DTNA: variants seen among roughly 807,000 people sequenced by gnomAD.
The protein encoded by DTNA is dystrophin-related protein 3.
DTNA carries 43 observed loss-of-function variants against 100.7 expected under a neutral mutation model. That is an observed-to-expected ratio of 0.43 (90% CI 0.33 to 0.55). DTNA has a LOEUF of 0.55. Among genes scored for constraint, DTNA ranks in the 20% least tolerant of loss-of-function variants. The pLI is 0.04. For missense variants in DTNA, 798 were observed against 953.9 expected (o/e 0.84, Z 2.15); for synonymous variants, 349 against 347.9 (o/e 1.00, Z -0.04).
At chr18:34,527,972 G>A (rs1283332330) in intron 1 of DTNA, among the ~76,000 whole-genome samples, 2 of 152,078 alleles carry the variant, frequency 1.3e-5, no homozygotes, top group African/African-American at 2.4e-5. Context: ...GTAAAGGACT[G>A]CAACATCAGT....
chr18:34,522,160 CT>C, intron 1 of DTNA, among the ~76,000 whole-genome samples: 1 of 152,242 alleles, frequency 6.6e-6, no homozygotes, highest in East Asian at 1.9e-4. Flanking sequence ...CCTTTTGTAA[CT>C]GCACTTTAAT....
intron 3 of DTNA, among the ~76,000 whole-genome samples, chr18:34,792,497 T>C (rs2094792844): frequency 6.6e-6 from 1 of 152,160 alleles, no homozygotes; most frequent in Admixed American, 6.5e-5. Flanking sequence ...ATTAGGTATA[T>C]AGCCAGGAGA....
intron 3 of DTNA, among the ~76,000 whole-genome samples, chr18:34,771,050 C>T (rs563684606): frequency 6.6e-6 from 1 of 152,220 alleles, no homozygotes; most frequent in Non-Finnish European, 1.5e-5. Context: ...CATTGGTAGA[C>T]CAGCATTTTC....
chr18:34,738,698 G>C (rs1774588516), intron 1 of DTNA, among the ~76,000 whole-genome samples: 1 of 152,150 alleles, frequency 6.6e-6, no homozygotes, highest in Admixed American at 6.5e-5. Flanking sequence ...ATGTCTGATA[G>C]AGGACAGCGC....
At chr18:34,692,944 A>G (rs1234725681) in intron 1 of DTNA, among the ~76,000 whole-genome samples, 2 of 152,198 alleles carry the variant, frequency 1.3e-5, no homozygotes, top group African/African-American at 4.8e-5. Flanking sequence ...ATGCAAAAAA[A>G]TTTCCTAGAC....
intron 9 of DTNA, among the ~76,000 whole-genome samples, chr18:34,824,634 A>G (rs2095812226): frequency 6.6e-6 from 1 of 152,202 alleles, no homozygotes; most frequent in South Asian, 2.1e-4. Context: ...CAAAAGCATT[A>G]TAAGATACAA....
chr18:34,569,886 T>TACACAC (rs143877334), intron 1 of DTNA, among the ~76,000 whole-genome samples: 1 of 147,220 alleles, frequency 6.8e-6, no homozygotes, highest in African/African-American at 2.5e-5. Flanking sequence ...CATACACACA[T>TACACAC]ACACACACAC....
chr18:34,649,442 A>C (rs2060204717), intron 1 of DTNA, among the ~76,000 whole-genome samples: 1 of 152,168 alleles, frequency 6.6e-6, no homozygotes, highest in South Asian at 2.1e-4. Flanking sequence ...CCTCAACCTA[A>C]AGATAGAGCC....
intron 4 of DTNA, among the ~76,000 whole-genome samples, chr18:34,803,278 G>C (rs1303522800): frequency 1.3e-5 from 2 of 151,530 alleles, no homozygotes; most frequent in Non-Finnish European, 2.9e-5. Context: ...CCTCCACTTG[G>C]TGATTTATCT....
intron 1 of DTNA, among the ~76,000 whole-genome samples, chr18:34,632,505 C>G (rs2058195842): frequency 6.6e-6 from 1 of 152,168 alleles, no homozygotes; most frequent in African/African-American, 2.4e-5. Flanking sequence ...GCAGAAAATG[C>G]CAGAACACAG....
intron 3 of DTNA, among the ~76,000 whole-genome samples, chr18:34,784,497 TG>T (rs1204842162): frequency 6.6e-6 from 1 of 152,202 alleles, no homozygotes; most frequent in Non-Finnish European, 1.5e-5. Flanking sequence ...CACTTTCTGC[TG>T]TGTTTTAGGA....
chr18:34,885,988 T>C (rs114030399), intron 22 of DTNA, among the ~76,000 whole-genome samples: 1,742 of 152,312 alleles, frequency 0.011, 37 homozygotes, highest in African/African-American at 0.04. Context: ...GATGCCTCCA[T>C]GGTAGTTCAA....
At chr18:34,564,623 CGTCT>C (rs2046932806) in intron 1 of DTNA, among the ~76,000 whole-genome samples, 1 of 152,148 alleles carries the variant, frequency 6.6e-6, no homozygotes, top group African/African-American at 2.4e-5. Context: ...ATCTCCCATT[CGTCT>C]GTCTTTCAAT....
chr18:34,727,042 C>T (rs140269570), intron 1 of DTNA, among the ~76,000 whole-genome samples: 98 of 152,358 alleles, frequency 6.4e-4, no homozygotes, highest in African/African-American at 1.4e-3. Context: ...CTCAACACAA[C>T]GTAGAAGCCC....
intron 1 of DTNA, among the ~76,000 whole-genome samples, chr18:34,588,566 T>C (rs1467589102): frequency 6.6e-6 from 1 of 152,170 alleles, no homozygotes; most frequent in Non-Finnish European, 1.5e-5. Flanking sequence ...CATCCCCTTA[T>C]GCTCCTCTCC....
intron 5 of DTNA, among the ~76,000 whole-genome samples, chr18:34,808,547 G>A (rs1291625512): frequency 6.6e-6 from 1 of 152,176 alleles, no homozygotes; most frequent in African/African-American, 2.4e-5. Context: ...AACAAATGTG[G>A]GTCAAATAAA....
intron 1 of DTNA, among the ~76,000 whole-genome samples, chr18:34,698,719 G>A (rs569723669): frequency 6.6e-6 from 1 of 152,280 alleles, no homozygotes; most frequent in East Asian, 1.9e-4. Flanking sequence ...TTTGAGGTCA[G>A]GAAGCATCTA....
intron 1 of DTNA, among the ~76,000 whole-genome samples, chr18:34,535,135 C>T (rs1365028149): frequency 1.3e-5 from 2 of 152,116 alleles, no homozygotes; most frequent in East Asian, 3.9e-4. Context: ...CCTATTTCTC[C>T]ACAGCCTCAC....
intron 14 of DTNA, among the ~76,000 whole-genome samples, chr18:34,850,114 A>G (rs2096454291): frequency 6.6e-6 from 1 of 152,210 alleles, no homozygotes; most frequent in Non-Finnish European, 1.5e-5. Context: ...CTTCATAACC[A>G]CATATTAAGA....
Sources: allele counts gnomAD v4.1 joint callset (sites outside exome capture counted in the v4.1 genomes callset), GRCh38; gene constraint gnomAD v4.1.1; transcripts MANE v1.5; gene names NCBI Gene and HGNC (gene_info 2026-07-23, HGNC 2026-07-21).